Variants in IQSEC1 observed in about 807,000 individuals in gnomAD.
The protein encoded by IQSEC1 is IQ motif and SEC7 domain-containing protein 1.
Under a neutral mutation model 91.0 loss-of-function variants are expected in IQSEC1, and 31 were observed. The observed-to-expected ratio is 0.34, with a 90% CI of 0.26 to 0.46. The LOEUF (loss-of-function observed/expected upper bound fraction) is 0.46. Ranked by LOEUF, IQSEC1 falls within the 20% of genes least tolerant of loss-of-function variation. The pLI is 1.00. For synonymous variants in IQSEC1, 699 were observed against 662.6 expected (o/e 1.05, Z -0.84); for missense variants, 1,388 against 1,575.6 (o/e 0.88, Z 2.02).
At chr3:13,025,820 C>A (rs898068484) in intron 1 of IQSEC1, among the ~76,000 whole-genome samples, 1 of 152,194 alleles carries the variant, frequency 6.6e-6, no homozygotes, top group African/African-American at 2.4e-5. Context: ...CCATGCTGAC[C>A]GTCACCCACA....
At chr3:13,263,433 G>T (rs1011605748) in intron 1 of IQSEC1, among the ~76,000 whole-genome samples, 1 of 133,704 alleles carries the variant, frequency 7.5e-6, no homozygotes, top group African/African-American at 2.6e-5. Flanking sequence ...TTTTTGGGGG[G>T]GGGGGGAAAG....
Position 12,899,037 on chromosome 3 carries a change from C to A in IQSEC1, c.*1946G>T. ...ACGCCAATGGGAGGACACAGGTGGGCGGGTTAAAGTCACATTTTTAAAAAG... is the reference window on the plus strand; with the variant it reads ...ACGCCAATGGGAGGACACAGGTGGGAGGGTTAAAGTCACATTTTTAAAAAG... On this transcript the variant is annotated 3_prime_UTR_variant, in exon 14 of 14. Transcript: ENST00000613206. 1.1e-5 allele frequency: 3 copies of A among 281,792 alleles called. No individual in the cohort carries two copies. Among genetic ancestry groups the A allele is most frequent in the Non-Finnish European group, 2.1e-5 (3 of 145,562 alleles). The allele number at this position is 281,792 out of a possible 1,614,324, so 17.5% of individuals were successfully genotyped here. A position where few individuals can be genotyped will look rare whatever the true frequency, so the allele number is the denominator to read the frequency against.
At chr3:13,235,412 A>G (rs1204368561) in intron 1 of IQSEC1, among the ~76,000 whole-genome samples, 1 of 152,156 alleles carries the variant, frequency 6.6e-6, no homozygotes, top group Non-Finnish European at 1.5e-5. Context: ...CTTGGGCTCA[A>G]AGGTGGGGAG....
At position 13,073,181 on chromosome 3, in the gene IQSEC1, C is replaced by T; in HGVS notation, c.-167G>A. On this transcript the variant is annotated 5_prime_UTR_variant, in exon 1 of 14. Transcript: ENST00000613206. Reference sequence around the variant, plus strand: ...GCGGGCTCCTCCAGGGAGGCTGGGGCGGGAGCGGGGGGCGGCGCCAGCAGC... The same window carrying T: ...GCGGGCTCCTCCAGGGAGGCTGGGGTGGGAGCGGGGGGCGGCGCCAGCAGC... 4.8e-6 allele frequency: 2 copies of T among 414,450 alleles called. No homozygotes were observed. The highest frequency in any genetic ancestry group is 9.1e-6 in the Non-Finnish European group (2 of 220,666). 25.7% of individuals were successfully genotyped at this position (414,450 alleles called of 1,614,324 possible). A position where few individuals can be genotyped will look rare whatever the true frequency, so the allele number is the denominator to read the frequency against.
intron 1 of IQSEC1, among the ~76,000 whole-genome samples, chr3:13,004,495 A>T (rs1576150414): frequency 2.0e-5 from 3 of 152,104 alleles, no homozygotes; most frequent in East Asian, 3.9e-4. Context: ...GAGGGCAGGG[A>T]TTTGTGTCTG....
Position 13,223,775 on chromosome 3 carries a change from CTT to C in IQSEC1, c.272+58934_272+58935del, listed in dbSNP as rs200416128. Among the ~76,000 whole-genome samples, 577 of 152,312 alleles carry C rather than the reference CTT, an allele frequency of 3.8e-3. 5 individuals carry two copies. The highest frequency in any genetic ancestry group is 0.013 in the African/African-American group (549 of 41,570). The stretch of plus-strand genomic sequence containing the variant: ...ATTCATTTTTGAGCTGCATTCCAGA[CTT>C]TACACCTGGCCCATCTCAGCATTTT... On this transcript the variant is annotated intron_variant, in intron 1 of 15. Transcript: ENST00000648114.
At chr3:13,091,553 C>G (rs1576245665) in intron 2 of IQSEC1, among the ~76,000 whole-genome samples, 1 of 152,132 alleles carries the variant, frequency 6.6e-6, no homozygotes, top group Non-Finnish European at 1.5e-5. Flanking sequence ...CTGAGCACAG[C>G]CCTCCTTTGT....
At chr3:13,074,572 C>T (rs529085579), upstream of IQSEC1, among the ~76,000 whole-genome samples, 1 of 152,342 alleles carries the variant, frequency 6.6e-6, no homozygotes, top group East Asian at 1.9e-4. Context: ...CTAATACTAT[C>T]ATCCTACTTC....
At chr3:13,032,340 C>T (rs1433321967) in intron 1 of IQSEC1, among the ~76,000 whole-genome samples, 3 of 152,214 alleles carry the variant, frequency 2.0e-5, no homozygotes, top group Non-Finnish European at 4.4e-5. Flanking sequence ...ATTCCTGAGC[C>T]TTTCACACAC....
intron 1 of IQSEC1, among the ~76,000 whole-genome samples, chr3:13,190,246 G>A (rs1401049962): frequency 2.6e-5 from 4 of 152,156 alleles, no homozygotes; most frequent in Non-Finnish European, 5.9e-5. Context: ...TTCCAGTTCT[G>A]GTCCAGACCC....
chr3:13,073,476 A>C (rs886993575), upstream of IQSEC1, among the ~76,000 whole-genome samples: 9 of 152,108 alleles, frequency 5.9e-5, no homozygotes, highest in Non-Finnish European at 8.8e-5. Context: ...CCCGCGCCCA[A>C]GGAGCAACGT....
intron 2 of IQSEC1, among the ~76,000 whole-genome samples, chr3:13,127,442 CAAA>C (rs879741910): frequency 1.6e-5 from 2 of 128,686 alleles, no homozygotes; most frequent in South Asian, 3.1e-4. Flanking sequence ...AACAAACAAA[CAAA>C]AAAAAAAAAA....
intron 1 of IQSEC1, among the ~76,000 whole-genome samples, chr3:13,251,299 C>T (rs1264462137): frequency 6.6e-6 from 1 of 152,226 alleles, no homozygotes. Context: ...AAACACACTA[C>T]ATATAACCTC....
rs569351633 is a variant in IQSEC1 at position 13,047,203 on chromosome 3, G to A, written c.23+25789C>T. Among the ~76,000 whole-genome samples, 63 of 152,302 alleles carry A rather than the reference G, an allele frequency of 4.1e-4. 1 individual carries two copies. In the South Asian group the frequency reaches 0.013, roughly 31 times the overall value. ...ACTATCAGCTGCAGCCTGATCCTCC[G>A]AGGGGCCTTCAGCTGAGCTCTGGTC... is the stretch of plus-strand genomic sequence containing the variant. On this transcript the variant is annotated intron_variant, in intron 1 of 13. Coordinates refer to ENST00000613206, the MANE Select transcript of IQSEC1 (RefSeq NM_001134382.3).
chr3:13,257,487 T>TA (rs1695311351), intron 1 of IQSEC1, among the ~76,000 whole-genome samples: 1 of 152,094 alleles, frequency 6.6e-6, no homozygotes, highest in Non-Finnish European at 1.5e-5. Flanking sequence ...CCAACCAGAC[T>TA]AACCCTGGCT....
intron 1 of IQSEC1, among the ~76,000 whole-genome samples, chr3:13,206,926 G>C (rs1694355643): frequency 6.6e-6 from 1 of 152,086 alleles, no homozygotes; most frequent in African/African-American, 2.4e-5. Context: ...GGAGGGAGAA[G>C]GTGGGCCCCG....
intron 2 of IQSEC1, among the ~76,000 whole-genome samples, chr3:13,125,025 G>A (rs923779498): frequency 6.6e-6 from 1 of 152,134 alleles, no homozygotes; most frequent in East Asian, 1.9e-4. Context: ...GCAGCCAGAG[G>A]GACCTTTTAA....
At position 12,967,769 on chromosome 3, in the gene IQSEC1, G is replaced by A; in HGVS notation, c.24-25904C>T. On this transcript the variant is annotated intron_variant, in intron 1 of 13. Coordinates refer to ENST00000613206, the MANE Select transcript of IQSEC1 (RefSeq NM_001134382.3). The surrounding 1 kb of genome is among the most constrained non-coding windows in gnomAD (Gnocchi z 5.9). ...CGGGGGCGGGGCCGGAGGGCGAGCT[G>A]GGGGCGGGGCCGGAGGGCGAGCTGG... The A allele has an allele frequency of 2.2e-6, 2 of 915,976 alleles. No homozygotes were observed. Among genetic ancestry groups the A allele is most frequent in the Non-Finnish European group, 2.6e-6 (2 of 765,278 alleles). The allele number at this position is 915,976 out of a possible 1,614,324, so 56.7% of individuals were successfully genotyped here. A position where few individuals can be genotyped will look rare whatever the true frequency, so the allele number is the denominator to read the frequency against.
chr3:13,059,208 GC>G (rs1438762691), intron 1 of IQSEC1, among the ~76,000 whole-genome samples: 1 of 152,068 alleles, frequency 6.6e-6, no homozygotes, highest in Admixed American at 6.5e-5. Context: ...ACACCAGCAG[GC>G]CCCACCCCAG....
Sources: gnomAD v4.1 joint callset for allele counts (sites outside exome capture counted in the v4.1 genomes callset) on GRCh38, gnomAD v4.1.1 for gene constraint, Gnocchi (gnomAD v3.1) non-coding constraint, MANE v1.5 for transcripts, NCBI Gene and HGNC (gene_info 2026-07-23, HGNC 2026-07-21) for gene names.